Variants in BMP8B observed in about 807,000 individuals in gnomAD.
The protein encoded by BMP8B is bone morphogenetic protein 8b.
BMP8B carries 17 observed loss-of-function variants against 30.3 expected under a neutral mutation model. The observed-to-expected ratio is 0.56, with a 90% CI of 0.38 to 0.84. The LOEUF is 0.84. Ranked by LOEUF, BMP8B falls within the 40% of genes least tolerant of loss-of-function variation. The pLI is 0.00. For synonymous variants in BMP8B, 131 were observed against 214.7 expected (o/e 0.61, Z 3.41); for missense variants, 253 against 494.6 (o/e 0.51, Z 4.63).
intron 3 of BMP8B, 111 bp from the exon 4 acceptor site, chr1:39,764,928 C>A (rs1158364059): frequency 6.5e-7 from 1 of 1,527,510 alleles, no homozygotes; most frequent in Middle Eastern, 2.3e-4. Context: ...AGGCTGAGGA[C>A]CCAAGGGGTC....
rs1460672565 is a variant in BMP8B at position 39,787,099 on chromosome 1, G to A, written c.334+1053C>T. Reference sequence around the variant, plus strand: ...GGCTCAGCAGCGTAGAGGCTGCGCTGTCCTAGGCATGGCGCTGCCTCTCTG... The same window carrying A: ...GGCTCAGCAGCGTAGAGGCTGCGCTATCCTAGGCATGGCGCTGCCTCTCTG... On this transcript the variant is annotated intron_variant, in intron 1 of 6. Transcript: ENST00000372827. 1.9e-4 allele frequency among the ~76,000 whole-genome samples: 29 copies of A among 152,258 alleles called. 1 individual carries two copies. The highest frequency in any genetic ancestry group is 3.7e-4 in the Non-Finnish European group (25 of 68,050).
At position 39,758,787 on chromosome 1, in the gene BMP8B, C is replaced by A. The variant is rs1375994869; in HGVS notation, c.*1632G>T. The A allele has an allele frequency of 6.6e-6, 1 of 152,310 alleles. No individual in the cohort carries two copies. The highest frequency in any genetic ancestry group is 1.5e-5 in the Non-Finnish European group (1 of 68,080). 9.4% of individuals were successfully genotyped at this position (152,310 alleles called of 1,614,324 possible). A position where few individuals can be genotyped will look rare whatever the true frequency, so the allele number is the denominator to read the frequency against. On this transcript the variant is annotated 3_prime_UTR_variant, in exon 7 of 7. Transcript: ENST00000372827. ...TCTCCAACTTCCAGACAGCCTGGGG[C>A]TGCCCTTTGCGTACATGGGAGGGTC...
In BMP8B at chr1:39,788,626, G is replaced by A; in HGVS notation, c.-141C>T. 7.6e-6 allele frequency: 6 copies of A among 794,038 alleles called. No individual in the cohort carries two copies. Among genetic ancestry groups the A allele is most frequent in the Non-Finnish European group, 9.1e-6 (6 of 656,228 alleles). 49.2% of individuals were successfully genotyped at this position (794,038 alleles called of 1,614,324 possible). A position where few individuals can be genotyped will look rare whatever the true frequency, so the allele number is the denominator to read the frequency against. On this transcript the variant is annotated 5_prime_UTR_variant, in exon 1 of 7. Transcript: ENST00000372827. This position sits in a 1 kb window ranked among gnomAD's most constrained non-coding sequence, Gnocchi z 5.8. ...GGCGGGGCGGGGCGGGACGGGCGGCGACCGCGGCCTCAGCGCGGTCCCTGG... is the reference window on the plus strand; with the variant it reads ...GGCGGGGCGGGGCGGGACGGGCGGCAACCGCGGCCTCAGCGCGGTCCCTGG...
In BMP8B at chr1:39,758,205, T is replaced by C. The variant is rs1403766067; in HGVS notation, c.*2214A>G. On this transcript the variant is annotated 3_prime_UTR_variant, in exon 7 of 7. Coordinates refer to ENST00000372827, the MANE Select transcript of BMP8B (RefSeq NM_001720.5). ...TTGATGTTAAGAAGGAACAATTAAG[T>C]AAATACTAGGATGGCAAACAGGTTC... 5 of 152,234 alleles carry C rather than the reference T, an allele frequency of 3.3e-5. No homozygotes were observed. The highest frequency in any genetic ancestry group is 3.3e-4 in the Admixed American group (5 of 15,284). The allele number at this position is 152,234 out of a possible 1,614,324, so 9.4% of individuals were successfully genotyped here.
chr1:39,769,063 G>A (rs560666760), intron 3 of BMP8B, among the ~76,000 whole-genome samples: 3 of 147,392 alleles, frequency 2.0e-5, no homozygotes, highest in South Asian at 2.2e-4. Flanking sequence ...TGTGATGTGC[G>A]CCTGTAGTCC....
chr1:39,780,039 T>C (rs762035314), intron 1 of BMP8B, among the ~76,000 whole-genome samples: 5 of 152,166 alleles, frequency 3.3e-5, no homozygotes, highest in African/African-American at 7.2e-5. Context: ...GCCCTCTCCA[T>C]AGGGCTGCTC....
rs1650055024 is a variant in BMP8B, at chr1:39,772,955, G to GGGAGGATCGCTCGCGCCCAGGAGTT, written c.673+1328_673+1352dup. Among the ~76,000 whole-genome samples, 3 of 68,328 alleles carry GGGAGGATCGCTCGCGCCCAGGAGTT rather than the reference G, an allele frequency of 4.4e-5. No individual in the cohort carries two copies. In the Admixed American group the frequency reaches 4.8e-4, roughly 11 times the overall value. The allele number at this position is 68,328 out of a possible 152,430, so 44.8% of individuals were successfully genotyped here. On this transcript the variant is annotated intron_variant, in intron 3 of 6. Transcript: ENST00000372827. Reference sequence around the variant, plus strand: ...GTAAAGATAGTACAGAGGCTAAGGTGGGAGGATCGCTCGCGCCCAGGAGTT... The same window carrying GGGAGGATCGCTCGCGCCCAGGAGTT: ...GTAAAGATAGTACAGAGGCTAAGGTGGGAGGATCGCTCGCGCCCAGGAGTTGGAGGATCGCTCGCGCCCAGGAGTT...
At chr1:39,768,259 G>A (rs1649737521) in intron 3 of BMP8B, among the ~76,000 whole-genome samples, 1 of 143,488 alleles carries the variant, frequency 7.0e-6, no homozygotes, top group Admixed American at 7.0e-5. Flanking sequence ...CAATTCAAAT[G>A]AAGCTGAGAA....
Position 39,788,171 on chromosome 1 carries a change from G to A in BMP8B, c.315C>T (p.Val105=), listed in dbSNP as rs752361468. ...AERRLGRADL[V]MSFVNMVERD... ...ACTCACCCATGTTAACGAAGCTCAT[G>A]ACCAGGTCGGCGCGGCCCAGGCGCC... The change falls in exon 1 of 7, where the codon GTC becomes GTT. Residue 105 remains valine (V), a synonymous_variant. Transcript: ENST00000372827. The surrounding 1 kb of genome is among the most constrained non-coding windows in gnomAD (Gnocchi z 5.8). 1.9e-6 allele frequency: 3 copies of A among 1,574,294 alleles called. No individual in the cohort carries two copies. The highest frequency in any genetic ancestry group is 1.8e-5 in the Admixed American group (1 of 56,494).
rs1281129097 is a variant in BMP8B, at chr1:39,787,841, G to A, written c.334+311C>T. On this transcript the variant is annotated intron_variant, in intron 1 of 6. Transcript: ENST00000372827. ...TACTCACCTGTCTCCCCAGGACCAG[G>A]CTGTCTTCCCGGGGCAGCCCAGGTG... Among the ~76,000 whole-genome samples, 7 of 152,294 alleles carry A rather than the reference G, an allele frequency of 4.6e-5. No homozygotes were observed. In the East Asian group the frequency reaches 9.7e-4, roughly 21 times the overall value.
chr1:39,776,045 G>A (rs1168529464), intron 1 of BMP8B, among the ~76,000 whole-genome samples: 2 of 152,296 alleles, frequency 1.3e-5, no homozygotes, highest in Admixed American at 6.5e-5. Flanking sequence ...CTGAGGGTGC[G>A]AATCCCGGGC....
rs1648474871 is a variant in BMP8B at position 39,758,009 on chromosome 1, G to A, written c.*2410C>T. The A allele has an allele frequency of 6.6e-6, 1 of 152,162 alleles. No individual in the cohort carries two copies. The highest frequency in any genetic ancestry group is 2.4e-5 in the African/African-American group (1 of 41,424). 9.4% of individuals were successfully genotyped at this position (152,162 alleles called of 1,614,324 possible). ...TCCTGCTATGCACAGCTTGATTAATGGGTAAGGTGTACTCCATATCTACAA... is the reference window on the plus strand; with the variant it reads ...TCCTGCTATGCACAGCTTGATTAATAGGTAAGGTGTACTCCATATCTACAA... On this transcript the variant is annotated 3_prime_UTR_variant, in exon 7 of 7. Coordinates refer to ENST00000372827, the MANE Select transcript of BMP8B (RefSeq NM_001720.5).
At chr1:39,763,034 C>G in intron 6 of BMP8B, 58 bp downstream of exon 6, 4 of 1,584,860 alleles carry the variant, frequency 2.5e-6, no homozygotes, top group Non-Finnish European at 3.5e-6. Context: ...CTGGACCAGA[C>G]CCCTCTCCAC....
chr1:39,761,627 C>G (rs1403187432), intron 6 of BMP8B, among the ~76,000 whole-genome samples: 3 of 151,784 alleles, frequency 2.0e-5, no homozygotes, highest in Non-Finnish European at 4.4e-5. Flanking sequence ...TCCTCCCACT[C>G]ACTGCACCCA....
chr1:39,775,553 G>C (rs1001021612), intron 1 of BMP8B, among the ~76,000 whole-genome samples: 3 of 152,206 alleles, frequency 2.0e-5, no homozygotes, highest in African/African-American at 7.2e-5. Flanking sequence ...CGGCAGGGGA[G>C]GGCTCAGGGC....
chr1:39,780,421 C>G (rs951646480), intron 1 of BMP8B, among the ~76,000 whole-genome samples: 3 of 152,230 alleles, frequency 2.0e-5, no homozygotes, highest in Non-Finnish European at 2.9e-5. Flanking sequence ...TAATCCACGA[C>G]CTCTCCAAGC....
chr1:39,757,560 T>TG lies in BMP8B; in HGVS notation c.*2858dup, dbSNP rs1648414551. 6.6e-6 allele frequency: 1 copy of TG among 152,292 alleles called. No individual in the cohort carries two copies. The highest frequency in any genetic ancestry group is 6.5e-5 in the Admixed American group (1 of 15,294). 9.4% of individuals were successfully genotyped at this position (152,292 alleles called of 1,614,324 possible). On this transcript the variant is annotated 3_prime_UTR_variant, in exon 7 of 7. Transcript: ENST00000372827. ...ATTGCACCGCAAGGACCAAGACTGC[T>TG]GGGCATTCCTCTTTTGCCTGTTGTA...
chr1:39,782,173 A>T (rs1185901544), intron 1 of BMP8B, among the ~76,000 whole-genome samples: 1 of 151,808 alleles, frequency 6.6e-6, no homozygotes, highest in African/African-American at 2.4e-5. Flanking sequence ...AAACAAAAAA[A>T]ACCTAGAGAA....
At chr1:39,787,900 G>A (rs1295403228) in intron 1 of BMP8B, among the ~76,000 whole-genome samples, 1 of 152,236 alleles carries the variant, frequency 6.6e-6, no homozygotes, top group Non-Finnish European at 1.5e-5. Context: ...ACTCCTGGGT[G>A]TGTTTGGGGC....
Sources: allele counts gnomAD v4.1 joint callset (sites outside exome capture counted in the v4.1 genomes callset), GRCh38; gene constraint gnomAD v4.1.1; non-coding constraint Gnocchi (gnomAD v3.1); transcripts MANE v1.5; gene names NCBI Gene and HGNC (gene_info 2026-07-23, HGNC 2026-07-21).